Variants in HOXA3 observed in about 807,000 individuals in gnomAD.
HOXA3 encodes homeobox A3.
A neutral mutation model predicts 30.3 loss-of-function variants in HOXA3; 8 were observed. The ratio of observed to expected loss-of-function variants is 0.26; its 90% CI spans 0.15 to 0.48. The LOEUF is 0.48. Among genes scored for constraint, HOXA3 ranks in the 20% least tolerant of loss-of-function variants. HOXA3 has a pLI of 0.99. For missense variants in HOXA3, 653 were observed against 614.4 expected (o/e 1.06, Z -0.66); for synonymous variants, 323 against 273.1 (o/e 1.18, Z -1.80).
chr7:27,146,605 A>G (rs1782776968), intron 1 of HOXA3, among the ~76,000 whole-genome samples: 4 of 152,158 alleles, frequency 2.6e-5, no homozygotes, highest in African/African-American at 9.7e-5. Context: ...ATGGAGCTAT[A>G]GGTAGTCTAG....
chr7:27,147,244 CCTT>C (rs1782799074), intron 1 of HOXA3: 2 of 1,430,686 alleles, frequency 1.4e-6, no homozygotes, highest in Middle Eastern at 1.9e-4. Flanking sequence ...TCTGTTTCCT[CCTT>C]CTTTCTTTCT....
At chr7:27,121,287 G>C (rs1455152438) in intron 4 of HOXA3, 1 of 148,940 alleles carries the variant, frequency 6.7e-6, no homozygotes, top group African/African-American at 2.5e-5. Flanking sequence ...TTTAACATGA[G>C]ATATTTCCTG....
chr7:27,108,071 G>A lies in HOXA3; in HGVS notation c.1176C>T (p.Ala392=), dbSNP rs1332041150. Residue 392 remains alanine, a synonymous_variant, in exon 6 of 6, where the codon GCC becomes GCT. Coordinates refer to ENST00000612286, the MANE Select transcript of HOXA3 (RefSeq NM_153631.3). This position sits in a 1 kb window ranked among gnomAD's most constrained non-coding sequence, Gnocchi z 5.0. ...LFGLTHLPHA[A]SGAMDYGGAG... ...CACCCCCATAGTCCATGGCGCCCGA[G>A]GCAGCGTGGGGGAGGTGAGTTAGAC... is the stretch of plus-strand genomic sequence containing the variant. The A allele has an allele frequency of 5.0e-6, 8 of 1,613,078 alleles. No homozygotes were observed. The highest frequency in any genetic ancestry group is 5.9e-6 in the Non-Finnish European group (7 of 1,179,316).
chr7:27,130,604 G>A (rs1785508239), intron 2 of HOXA3: 2 of 1,539,918 alleles, frequency 1.3e-6, no homozygotes, highest in African/African-American at 1.4e-5. Context: ...GCTGGGGGCT[G>A]CTGGTAGCCG....
intron 1 of HOXA3, chr7:27,147,506 C>T (rs1002083290): frequency 1.9e-6 from 3 of 1,614,120 alleles, no homozygotes; most frequent in Non-Finnish European, 2.5e-6. Context: ...AGGTCCTTAT[C>T]AGAATAGAAA....
intron 2 of HOXA3, chr7:27,130,157 C>A: frequency 6.2e-7 from 1 of 1,602,456 alleles, no homozygotes; most frequent in Non-Finnish European, 8.5e-7. Flanking sequence ...GGGTACACCA[C>A]GGGCTCCTTG....
At chr7:27,144,071 C>G (rs1367872172) in intron 1 of HOXA3, among the ~76,000 whole-genome samples, 1 of 152,240 alleles carries the variant, frequency 6.6e-6, no homozygotes, top group Non-Finnish European at 1.5e-5. Flanking sequence ...AGCTGCCGAT[C>G]GCGCGCCCGG....
At chr7:27,140,321 ATCTG>A (rs1430641280) in intron 1 of HOXA3, 135 bp from the exon 2 acceptor site, 2 of 152,166 alleles carry the variant, frequency 1.3e-5, no homozygotes, top group East Asian at 3.8e-4. Context: ...CAGTGAGCCG[ATCTG>A]TCTGTGCTAT....
chr7:27,143,215 G>T, intron 1 of HOXA3: 2 of 1,610,382 alleles, frequency 1.2e-6, no homozygotes, highest in Non-Finnish European at 1.7e-6. Flanking sequence ...TGCTGCCGGC[G>T]TCGGCCGAGG....
chr7:27,108,061 T>C lies in HOXA3; in HGVS notation c.1186A>G (p.Met396Val), dbSNP rs1426773608. The C allele has an allele frequency of 1.2e-6, 2 of 1,612,834 alleles. No individual in the cohort carries two copies. The highest frequency in any genetic ancestry group is 3.3e-5 in the Admixed American group (2 of 59,932). Residue 396 changes from methionine to valine, a missense_variant, in exon 6 of 6, where the codon ATG (methionine) becomes GTG (valine). Transcript: ENST00000612286. This position sits in a 1 kb window ranked among gnomAD's most constrained non-coding sequence, Gnocchi z 5.0. ...AGCGGCCCGGCACCCCCATAGTCCA[T>C]GGCGCCCGAGGCAGCGTGGGGGAGG... ...THLPHAASGA[M>V]DYGGAGPLGS...
At chr7:27,151,991 C>A (rs1224895441) in intron 1 of HOXA3, among the ~76,000 whole-genome samples, 1 of 152,180 alleles carries the variant, frequency 6.6e-6, no homozygotes, top group Non-Finnish European at 1.5e-5. Flanking sequence ...GGATGCTGCC[C>A]TGTGCCTTGG....
Position 27,139,628 on chromosome 7 carries a change from C to G in HOXA3, c.-390+455G>C, listed in dbSNP as rs867738568. Among the ~76,000 whole-genome samples, 3 of 152,192 alleles carry G rather than the reference C, an allele frequency of 2.0e-5. No individual in the cohort carries two copies. In the South Asian group the frequency reaches 6.2e-4, roughly 31 times the overall value. ...GGCCTTTCTTTCAAACTCCTGAGCG[C>G]AGCGCGGCCCTCGGCGCCCGCGGCC... On this transcript the variant is annotated intron_variant, in intron 2 of 5. Transcript: ENST00000612286.
chr7:27,126,287 T>C (rs1785279838), intron 3 of HOXA3, among the ~76,000 whole-genome samples: 1 of 152,138 alleles, frequency 6.6e-6, no homozygotes. Flanking sequence ...CATGCACAAC[T>C]TGGCTCTGTG....
chr7:27,108,788 C>A lies in HOXA3; in HGVS notation c.527-68G>T. The A allele has an allele frequency of 1.6e-6, 2 of 1,240,410 alleles. No individual in the cohort carries two copies. The highest frequency in any genetic ancestry group is 2.2e-6 in the Non-Finnish European group (2 of 905,082). The allele number at this position is 1,240,410 out of a possible 1,614,324, so 76.8% of individuals were successfully genotyped here. On this transcript the variant is annotated intron_variant, in intron 5 of 5. Transcript: ENST00000612286. The surrounding 1 kb of genome is among the most constrained non-coding windows in gnomAD (Gnocchi z 5.0). ...CGGCCCCGCCCAGCCCCTGACCCAG[C>A]CCGGCCCCTCCTTCCACCAGGCCCC...
chr7:27,131,782 C>T (rs1785567859), intron 2 of HOXA3, among the ~76,000 whole-genome samples: 1 of 152,146 alleles, frequency 6.6e-6, no homozygotes, highest in Non-Finnish European at 1.5e-5. Flanking sequence ...CGGGTCTGAT[C>T]GCTGATGGGT....
At chr7:27,137,117 TA>T (rs924793912) in intron 2 of HOXA3, among the ~76,000 whole-genome samples, 33 of 152,340 alleles carry the variant, frequency 2.2e-4, no homozygotes, top group African/African-American at 7.7e-4. Context: ...GCCTATCTTT[TA>T]AGATGTGATT....
chr7:27,136,725 C>T (rs920974980), intron 2 of HOXA3, among the ~76,000 whole-genome samples: 14 of 152,242 alleles, frequency 9.2e-5, no homozygotes, highest in Non-Finnish European at 2.1e-4. Flanking sequence ...TATCTAATAA[C>T]CTTCATAACA....
intron 4 of HOXA3, among the ~76,000 whole-genome samples, chr7:27,119,786 C>T (rs739734): frequency 0.14 from 21,641 of 152,078 alleles, 1,889 homozygotes; most frequent in African/African-American, 0.23. Context: ...CATGGGTTGT[C>T]CAAATCAGAA....
intron 1 of HOXA3, chr7:27,142,953 C>A: frequency 1.7e-6 from 2 of 1,208,476 alleles, no homozygotes; most frequent in Non-Finnish European, 2.3e-6. Context: ...GAAATGAGAC[C>A]AAGAGAGACT....
Sources: allele counts gnomAD v4.1 joint callset (sites outside exome capture counted in the v4.1 genomes callset), GRCh38; gene constraint gnomAD v4.1.1; non-coding constraint Gnocchi (gnomAD v3.1); transcripts MANE v1.5; gene names NCBI Gene and HGNC (gene_info 2026-07-23, HGNC 2026-07-21).